BNC2: variants seen among roughly 807,000 people sequenced by gnomAD.
BNC2 encodes the protein basonuclin zinc finger protein 2.
Under a neutral mutation model 76.3 loss-of-function variants are expected in BNC2, and 20 were observed. The ratio of observed to expected loss-of-function variants is 0.26; its 90% CI spans 0.18 to 0.38. The LOEUF (loss-of-function observed/expected upper bound fraction) is 0.38. Ranked by LOEUF, BNC2 falls within the 10% of genes least tolerant of loss-of-function variation. The pLI is 1.00. For missense variants in BNC2, 1,382 were observed against 1,399.8 expected, an observed-to-expected ratio of 0.99 and a Z score of 0.20; for synonymous variants, 582 against 514.8, an observed-to-expected ratio of 1.13 and a Z score of -1.77.
rs1311406883 is a variant in BNC2, at chr9:16,442,495, C to T, written c.670-4971G>A. Among the ~76,000 whole-genome samples the T allele has an allele frequency of 2.6e-5, 4 of 152,152 alleles. No individual in the cohort carries two copies. The East Asian group carries it at 7.7e-4, about 29-fold the overall frequency. On this transcript the variant is annotated intron_variant, in intron 5 of 6. Coordinates refer to ENST00000380672, the MANE Select transcript of BNC2 (RefSeq NM_017637.6). ...CTGAGTCCTTTCCCACATCAAAGCACTTCAATGATTTATAGTTTTAAAATC... is the reference window on the plus strand; with the variant it reads ...CTGAGTCCTTTCCCACATCAAAGCATTTCAATGATTTATAGTTTTAAAATC...
intron 4 of BNC2, among the ~76,000 whole-genome samples, chr9:16,578,964 G>A (rs191592553): frequency 6.6e-6 from 1 of 152,072 alleles, no homozygotes; most frequent in Non-Finnish European, 1.5e-5. Flanking sequence ...AATTATTACA[G>A]ACTAGGTATG....
intron 3 of BNC2, among the ~76,000 whole-genome samples, chr9:16,692,313 A>C (rs902914820): frequency 7.2e-5 from 11 of 151,902 alleles, no homozygotes; most frequent in African/African-American, 2.7e-4. Flanking sequence ...TCAACACTCA[A>C]CTCCAGCTAT....
At chr9:16,543,273 C>T (rs1818379834) in intron 5 of BNC2, among the ~76,000 whole-genome samples, 1 of 152,144 alleles carries the variant, frequency 6.6e-6, no homozygotes. Flanking sequence ...AAATACGGCT[C>T]ATAGAAATTT....
chr9:16,495,265 A>G (rs1432753873), intron 5 of BNC2, among the ~76,000 whole-genome samples: 1 of 152,180 alleles, frequency 6.6e-6, no homozygotes, highest in Non-Finnish European at 1.5e-5. Context: ...GGGTAGCAGG[A>G]GGAAAAAAAT....
At chr9:16,681,884 C>A (rs141304804) in intron 3 of BNC2, among the ~76,000 whole-genome samples, 1 of 152,188 alleles carries the variant, frequency 6.6e-6, no homozygotes, top group Non-Finnish European at 1.5e-5. Context: ...AGTAACTAGA[C>A]AGTAACGTTT....
chr9:16,558,629 T>C (rs1481807487), intron 4 of BNC2, among the ~76,000 whole-genome samples: 2 of 152,120 alleles, frequency 1.3e-5, no homozygotes, highest in Non-Finnish European at 2.9e-5. Context: ...CTTTTCTAGC[T>C]GATTAAAAAG....
chr9:16,561,617 A>G (rs1819018547), intron 4 of BNC2, among the ~76,000 whole-genome samples: 1 of 152,160 alleles, frequency 6.6e-6, no homozygotes, highest in Non-Finnish European at 1.5e-5. Context: ...TTACAAAATA[A>G]AGGTAGATAC....
chr9:16,449,164 C>T lies in BNC2; in HGVS notation c.670-11640G>A, dbSNP rs75926461. On this transcript the variant is annotated intron_variant, in intron 5 of 6. Transcript: ENST00000380672. ...TACATTATAGAGCACAAGGTAATAA[C>T]GGCGTCTGCGTGCCTTAATACCCTC... Among the ~76,000 whole-genome samples the T allele has an allele frequency of 5.1e-3, 782 of 152,248 alleles. 1 individual carries two copies. The highest frequency in any genetic ancestry group is 0.02 in the Middle Eastern group (6 of 294).
At chr9:16,701,001 G>A (rs958173521) in intron 3 of BNC2, among the ~76,000 whole-genome samples, 5 of 151,966 alleles carry the variant, frequency 3.3e-5, no homozygotes, top group South Asian at 2.1e-4. Flanking sequence ...TAATAACATC[G>A]CCAAGCACAA....
At chr9:16,759,862 T>A (rs1825501815) in intron 1 of BNC2, among the ~76,000 whole-genome samples, 1 of 152,064 alleles carries the variant, frequency 6.6e-6, no homozygotes, top group Non-Finnish European at 1.5e-5. Flanking sequence ...TAGCTGGGAC[T>A]ACAGGCACCT....
At chr9:16,505,584 A>G (rs1186987883) in intron 5 of BNC2, among the ~76,000 whole-genome samples, 2 of 152,200 alleles carry the variant, frequency 1.3e-5, no homozygotes, top group East Asian at 1.9e-4. Flanking sequence ...TAAAGAGAGA[A>G]GATTTTAAGC....
chr9:16,437,013 T>A lies in BNC2; in HGVS notation c.1181A>T (p.Glu394Val). 1 of 1,614,158 alleles carries A rather than the reference T, an allele frequency of 6.2e-7. No individual in the cohort carries two copies. The highest frequency in any genetic ancestry group is 8.5e-7 in the Non-Finnish European group (1 of 1,180,034). Residue 394 changes from glutamate to valine, a missense_variant, in exon 6 of 7, where the codon GAG (glutamate) becomes GTG (valine). Transcript: ENST00000380672. ...GACACAGGCTGGCTCGGTTTTGGGC[T>A]CCACATTAGTAATGCTGGTCAGGGC... ...RNALTSITNVEPKTEPACVSP... is the reference protein window; with the variant it reads ...RNALTSITNVVPKTEPACVSP...
intron 4 of BNC2, among the ~76,000 whole-genome samples, chr9:16,563,086 T>C (rs1192506864): frequency 6.6e-6 from 1 of 152,202 alleles, no homozygotes. Context: ...GTCAAATTTG[T>C]CAGTCCCACT....
chr9:16,669,879 G>T (rs950274861), intron 3 of BNC2, among the ~76,000 whole-genome samples: 2 of 152,130 alleles, frequency 1.3e-5, no homozygotes, highest in African/African-American at 4.8e-5. Context: ...TGGACGGTAG[G>T]AAACTTTGAT....
rs1262309640 is a variant in BNC2 at position 16,539,672 on chromosome 9, G to A, written c.669+12858C>T. Among the ~76,000 whole-genome samples, 7 of 55,862 alleles carry A rather than the reference G, an allele frequency of 1.3e-4. 1 individual carries two copies. Among genetic ancestry groups the A allele is most frequent in the African/African-American group, 5.0e-4 (7 of 13,946 alleles). 36.6% of individuals were successfully genotyped at this position (55,862 alleles called of 152,430 possible). A position where few individuals can be genotyped will look rare whatever the true frequency, so the allele number is the denominator to read the frequency against. On this transcript the variant is annotated intron_variant, in intron 5 of 6. Coordinates refer to ENST00000380672, the MANE Select transcript of BNC2 (RefSeq NM_017637.6). ...GAGAGAGAGAAGGGAGGGAGGGAGG[G>A]AGGGAGGAAGGAAGGAAGGGAGAAA...
At chr9:16,507,876 G>A (rs146113062) in intron 5 of BNC2, among the ~76,000 whole-genome samples, 36 of 152,152 alleles carry the variant, frequency 2.4e-4, no homozygotes, top group African/African-American at 8.0e-4. Flanking sequence ...TGCTTAAAGC[G>A]GCCAAACTAT....
At chr9:16,578,441 C>T (rs1819545747) in intron 4 of BNC2, among the ~76,000 whole-genome samples, 1 of 151,866 alleles carries the variant, frequency 6.6e-6, no homozygotes, top group African/African-American at 2.4e-5. Flanking sequence ...TTCACGAAGA[C>T]AGCAAACTCC....
chr9:16,825,532 A>C (rs935293271), intron 1 of BNC2, among the ~76,000 whole-genome samples: 3 of 152,084 alleles, frequency 2.0e-5, no homozygotes, highest in African/African-American at 7.2e-5. Flanking sequence ...TCCTGCCTCT[A>C]AACTGCTTGC....
chr9:16,564,574 C>G (rs1819116211), intron 4 of BNC2, among the ~76,000 whole-genome samples: 1 of 152,022 alleles, frequency 6.6e-6, no homozygotes, highest in South Asian at 2.1e-4. Context: ...GCAGATGATC[C>G]CTAACCTTTA....
Sources: gnomAD v4.1 joint callset for allele counts (sites outside exome capture counted in the v4.1 genomes callset) on GRCh38, gnomAD v4.1.1 for gene constraint, MANE v1.5 for transcripts, NCBI Gene and HGNC (gene_info 2026-07-23, HGNC 2026-07-21) for gene names.